Variants in ADCY5 observed in about 807,000 individuals in gnomAD.
The protein encoded by ADCY5 is adenylate cyclase 5.
In ADCY5, 30 loss-of-function variants were observed where a neutral mutation model predicts 119.7. That is an observed-to-expected ratio of 0.25 (90% CI 0.19 to 0.34). The LOEUF (loss-of-function observed/expected upper bound fraction) is 0.34, where lower values mean the gene tolerates loss of function less well. Among genes scored for constraint, ADCY5 ranks in the 10% least tolerant of loss-of-function variants. The pLI is 1.00. For missense variants in ADCY5, 1,324 were observed against 1,775.2 expected (o/e 0.75, Z 4.57); for synonymous variants, 753 against 762.2 (o/e 0.99, Z 0.20).
chr3:123,382,803 T>C (rs1277088683), intron 1 of ADCY5, among the ~76,000 whole-genome samples: 2 of 152,084 alleles, frequency 1.3e-5, no homozygotes, highest in Non-Finnish European at 2.9e-5. Flanking sequence ...CTGTTTGGAA[T>C]GATGAAAAAG....
intron 1 of ADCY5, chr3:123,367,916 TGC>T: frequency 1.3e-6 from 2 of 1,534,528 alleles, no homozygotes; most frequent in South Asian, 2.4e-5. Context: ...TCCAACTGAG[TGC>T]GGAACCTAGA....
At chr3:123,393,564 T>TTA (rs1553743762) in intron 1 of ADCY5, among the ~76,000 whole-genome samples, 1 of 143,436 alleles carries the variant, frequency 7.0e-6, no homozygotes, top group African/African-American at 2.7e-5. Context: ...TTCTAAAAAA[T>TTA]TAAAATAAAA....
intron 1 of ADCY5, among the ~76,000 whole-genome samples, chr3:123,396,073 AGG>A (rs1944551214): frequency 3.4e-5 from 1 of 29,768 alleles, no homozygotes; most frequent in African/African-American, 1.5e-4. Context: ...TGGGAGGGAG[AGG>A]GAGGGAGGGA....
intron 1 of ADCY5, among the ~76,000 whole-genome samples, chr3:123,418,176 A>G (rs1436842201): frequency 6.6e-6 from 1 of 152,188 alleles, no homozygotes; most frequent in East Asian, 1.9e-4. Flanking sequence ...CACCTGGTCC[A>G]TGTTCCCACC....
chr3:123,289,833 G>T lies in ADCY5; in HGVS notation c.3449C>A (p.Ala1150Glu). Residue 1150 changes from alanine (A) to glutamate (E), a missense_variant, in exon 19 of 21, where the codon GCA (alanine) becomes GAA (glutamate). Coordinates refer to ENST00000462833, the MANE Select transcript of ADCY5 (RefSeq NM_183357.3). ...CAGCTTCATGGCAAAGTCGGCCAGT[G>T]CCTTGATGTGGGTCTTGCCCACCTT... Reference protein sequence around the residue: ...YDKVGKTHIKALADFAMKLMD... With the variant: ...YDKVGKTHIKELADFAMKLMD... 6.2e-7 allele frequency: 1 copy of T among 1,614,256 alleles called. No individual in the cohort carries two copies. The highest frequency in any genetic ancestry group is 8.5e-7 in the Non-Finnish European group (1 of 1,180,042).
At chr3:123,340,384 A>C (rs774577366) in intron 3 of ADCY5, among the ~76,000 whole-genome samples, 1 of 152,198 alleles carries the variant, frequency 6.6e-6, no homozygotes, top group Admixed American at 6.5e-5. Context: ...TAACCCTTCC[A>C]TCTTCATGAT....
At chr3:123,408,612 C>T (rs1174261884) in intron 1 of ADCY5, among the ~76,000 whole-genome samples, 6 of 145,240 alleles carry the variant, frequency 4.1e-5, no homozygotes, top group African/African-American at 1.5e-4. Flanking sequence ...GCCGAGATGG[C>T]GCCACTGCAC....
intron 1 of ADCY5, among the ~76,000 whole-genome samples, chr3:123,444,883 C>T (rs1038262305): frequency 2.0e-5 from 3 of 152,168 alleles, no homozygotes; most frequent in African/African-American, 7.2e-5. Flanking sequence ...AAGAAAAGAA[C>T]AAGGCATCTA....
At chr3:123,434,720 T>C (rs906557570) in intron 1 of ADCY5, among the ~76,000 whole-genome samples, 24 of 152,094 alleles carry the variant, frequency 1.6e-4, no homozygotes, top group African/African-American at 5.3e-4. Flanking sequence ...GTGGGCCTTG[T>C]TAAGGTATAG....
At chr3:123,362,914 T>G (rs1270897872) in intron 1 of ADCY5, among the ~76,000 whole-genome samples, 1 of 151,206 alleles carries the variant, frequency 6.6e-6, no homozygotes, top group Non-Finnish European at 1.5e-5. Context: ...GAGGCTGAGG[T>G]GGGTGGATCA....
chr3:123,387,635 A>G (rs1465478897), intron 1 of ADCY5, among the ~76,000 whole-genome samples: 1 of 152,256 alleles, frequency 6.6e-6, no homozygotes, highest in Non-Finnish European at 1.5e-5. Context: ...AACATGAGAT[A>G]TTCAAATCAA....
chr3:123,412,840 G>T (rs568330324), intron 1 of ADCY5, among the ~76,000 whole-genome samples: 32 of 152,186 alleles, frequency 2.1e-4, no homozygotes, highest in African/African-American at 7.0e-4. Flanking sequence ...GGCAGTCATG[G>T]TTATGTGCTT....
intron 14 of ADCY5, among the ~76,000 whole-genome samples, chr3:123,301,894 C>G: frequency 6.7e-6 from 1 of 149,064 alleles, no homozygotes; most frequent in African/African-American, 2.5e-5. Context: ...CTGGAGGAGA[C>G]AGAGCTTGCC....
Position 123,332,555 on chromosome 3 carries a change from G to T in ADCY5, c.1518+9C>A, listed in dbSNP as rs1304883972. 6.2e-7 allele frequency: 1 copy of T among 1,605,768 alleles called. No individual in the cohort carries two copies. Among genetic ancestry groups the T allele is most frequent in the East Asian group, 2.2e-5 (1 of 44,796 alleles). The stretch of plus-strand genomic sequence containing the variant: ...AGGCCACCCCAACCCCCGGCTCAGG[G>T]TGACTCACTGCGGCCAGCTTGTCAA... On this transcript the variant is annotated intron_variant, in intron 4 of 20. Coordinates refer to ENST00000462833, the MANE Select transcript of ADCY5 (RefSeq NM_183357.3).
rs1301257887 is a variant in ADCY5, at chr3:123,417,871, C to G, written c.1134+29541G>C. On this transcript the variant is annotated intron_variant, in intron 1 of 20. Coordinates refer to ENST00000462833, the MANE Select transcript of ADCY5 (RefSeq NM_183357.3). ...ACTCCGAAAATGATATAAATGAAGG[C>G]TCGTAAGGTAAGATGGCCTGGGATG... Among the ~76,000 whole-genome samples the G allele has an allele frequency of 3.3e-5, 5 of 152,268 alleles. No homozygotes were observed. The South Asian group carries it at 6.2e-4, about 19-fold the overall frequency.
chr3:123,289,719 TG>T lies in ADCY5; in HGVS notation c.3532+30del, dbSNP rs759705764. 77 of 1,608,716 alleles carry T rather than the reference TG, an allele frequency of 4.8e-5. 1 individual carries two copies. The highest frequency in any genetic ancestry group is 1.8e-4 in the Admixed American group (11 of 60,014). On this transcript the variant is annotated intron_variant, in intron 19 of 20. Coordinates refer to ENST00000462833, the MANE Select transcript of ADCY5 (RefSeq NM_183357.3). ...GCCAGCCCTCTGCCTGACTGCACCC[TG>T]GGCTCAGCACTCCCTGGGCCCCCAC...
At chr3:123,439,668 G>A (rs549695005) in intron 1 of ADCY5, among the ~76,000 whole-genome samples, 1 of 152,030 alleles carries the variant, frequency 6.6e-6, no homozygotes, top group Non-Finnish European at 1.5e-5. Context: ...CTTGGATAAG[G>A]AGGGACTACT....
chr3:123,418,752 C>G (rs1945237956), intron 1 of ADCY5: 1 of 152,244 alleles, frequency 6.6e-6, no homozygotes, highest in African/African-American at 2.4e-5. Flanking sequence ...TCGGTGGAAA[C>G]AAACTCAAAC....
At chr3:123,382,666 A>G (rs1944070233) in intron 1 of ADCY5, among the ~76,000 whole-genome samples, 1 of 152,254 alleles carries the variant, frequency 6.6e-6, no homozygotes, top group Admixed American at 6.5e-5. Context: ...AATAAGCCAG[A>G]CACAAAAGGA....
Sources: allele counts gnomAD v4.1 joint callset (sites outside exome capture counted in the v4.1 genomes callset), GRCh38; gene constraint gnomAD v4.1.1; transcripts MANE v1.5; gene names NCBI Gene and HGNC (gene_info 2026-07-23, HGNC 2026-07-21).